The following CAMKMT variants were observed in gnomAD, a reference collection of about 807,000 sequenced individuals.
The protein encoded by CAMKMT is CaM KMT.
In CAMKMT, 53 loss-of-function variants were observed where a neutral mutation model predicts 48.0. The ratio of observed to expected loss-of-function variants is 1.10; its 90% confidence interval spans 0.89 to 1.39. The LOEUF (loss-of-function observed/expected upper bound fraction) is 1.39. Among genes scored for constraint, CAMKMT ranks in the 40% most tolerant of loss-of-function variants. The probability of loss-of-function intolerance (pLI) is 0.00; values close to 1 mark genes in which losing one functional copy is unlikely to be tolerated. For synonymous variants in CAMKMT, 165 were observed against 152.3 expected (o/e 1.08, Z -0.61); for missense variants, 428 against 402.7 (o/e 1.06, Z -0.54).
chr2:44,489,394 C>T (rs915496288), intron 3 of CAMKMT, among the ~76,000 whole-genome samples: 3 of 151,888 alleles, frequency 2.0e-5, no homozygotes, highest in Non-Finnish European at 4.4e-5. Flanking sequence ...TACAGGCACC[C>T]GCCAGCATGC....
Position 44,772,456 on chromosome 2 carries a change from C to G in CAMKMT, c.*343C>G, listed in dbSNP as rs1681156059. ...AGAATTTCTTTTGATGATACCCATCCCTCCTTCATTTTTTTTTTTTTTTTG... is the reference window on the plus strand; with the variant it reads ...AGAATTTCTTTTGATGATACCCATCGCTCCTTCATTTTTTTTTTTTTTTTG... On this transcript the variant is annotated 3_prime_UTR_variant, in exon 11 of 11. Coordinates refer to ENST00000378494, the MANE Select transcript of CAMKMT (RefSeq NM_024766.5). The G allele has an allele frequency of 4.9e-6, 1 of 203,938 alleles. No individual in the cohort carries two copies. Among genetic ancestry groups the G allele is most frequent in the South Asian group, 1.9e-4 (1 of 5,356 alleles). The allele number at this position is 203,938 out of a possible 1,614,324, so 12.6% of individuals were successfully genotyped here.
chr2:44,577,701 G>C (rs908438576), intron 3 of CAMKMT, among the ~76,000 whole-genome samples: 1 of 151,934 alleles, frequency 6.6e-6, no homozygotes, highest in Non-Finnish European at 1.5e-5. Flanking sequence ...GGGAGACGGA[G>C]AGGGAGAGGG....
intron 3 of CAMKMT, among the ~76,000 whole-genome samples, chr2:44,624,332 T>G (rs957462109): frequency 1.3e-5 from 2 of 152,146 alleles, no homozygotes; most frequent in Non-Finnish European, 2.9e-5. Context: ...TTATTTGTCT[T>G]TTTTATTATT....
chr2:44,642,827 G>A (rs1028777471), intron 3 of CAMKMT, among the ~76,000 whole-genome samples: 1 of 152,086 alleles, frequency 6.6e-6, no homozygotes, highest in Non-Finnish European at 1.5e-5. Context: ...CTTGGTAAAT[G>A]ACTTCATCCA....
intron 3 of CAMKMT, among the ~76,000 whole-genome samples, chr2:44,688,368 CTG>C (rs1416279480): frequency 6.6e-6 from 1 of 152,028 alleles, no homozygotes; most frequent in Non-Finnish European, 1.5e-5. Flanking sequence ...GGAGAGCAGA[CTG>C]TCACATTTCC....
intron 3 of CAMKMT, among the ~76,000 whole-genome samples, chr2:44,492,102 A>C (rs1669536746): frequency 6.6e-6 from 1 of 152,200 alleles, no homozygotes; most frequent in South Asian, 2.1e-4. Flanking sequence ...AAAAAAAGGC[A>C]GGGGTTGAAC....
intron 3 of CAMKMT, among the ~76,000 whole-genome samples, chr2:44,546,849 G>A (rs1304153382): frequency 6.6e-6 from 1 of 152,192 alleles, no homozygotes; most frequent in Non-Finnish European, 1.5e-5. Context: ...TTTCCCTAAT[G>A]CTGATACAGT....
At chr2:44,722,973 C>A (rs1437362653) in intron 7 of CAMKMT, among the ~76,000 whole-genome samples, 1 of 152,140 alleles carries the variant, frequency 6.6e-6, no homozygotes, top group Non-Finnish European at 1.5e-5. Context: ...GAAAATATCC[C>A]TCTTTTGGAC....
intron 3 of CAMKMT, among the ~76,000 whole-genome samples, chr2:44,685,785 T>G (rs1351407478): frequency 6.6e-6 from 1 of 152,212 alleles, no homozygotes; most frequent in Non-Finnish European, 1.5e-5. Context: ...GCAATCAGCA[T>G]TTCTATGTGA....
At chr2:44,549,582 C>A (rs1667592298) in intron 3 of CAMKMT, 1 of 691,724 alleles carries the variant, frequency 1.4e-6, no homozygotes, top group Admixed American at 2.1e-5. Context: ...GTTGCCCAGG[C>A]TGGAGTGCAG....
rs545178812 is a variant in CAMKMT, at chr2:44,530,168, A to G, written c.376+139863A>G. On this transcript the variant is annotated intron_variant, in intron 3 of 10. Transcript: ENST00000378494. Reference sequence around the variant, plus strand: ...AGTCAGCTTAATGTGATTTCAAATGATAGGGTAGTGAATGTGAGGGAAATT... The same window carrying G: ...AGTCAGCTTAATGTGATTTCAAATGGTAGGGTAGTGAATGTGAGGGAAATT... Among the ~76,000 whole-genome samples, 8 of 152,332 alleles carry G rather than the reference A, an allele frequency of 5.3e-5. No homozygotes were observed. The South Asian group carries it at 1.4e-3, about 28-fold the overall frequency.
intron 3 of CAMKMT, among the ~76,000 whole-genome samples, chr2:44,409,490 G>A (rs1339939492): frequency 6.6e-6 from 1 of 151,976 alleles, no homozygotes; most frequent in African/African-American, 2.4e-5. Flanking sequence ...AGATGTTATT[G>A]CGTTATCACA....
chr2:44,392,190 A>T (rs1681409367), intron 3 of CAMKMT: 1 of 152,168 alleles, frequency 6.6e-6, no homozygotes, highest in African/African-American at 2.4e-5. Flanking sequence ...GAAAAATTAG[A>T]TAAAATTAGC....
At chr2:44,568,013 C>T (rs749945447) in intron 3 of CAMKMT, among the ~76,000 whole-genome samples, 27 of 150,524 alleles carry the variant, frequency 1.8e-4, no homozygotes, top group Middle Eastern at 3.4e-3. Flanking sequence ...TGATAAGGGT[C>T]GCTCTTAGAG....
chr2:44,438,234 C>G (rs1253300154), intron 3 of CAMKMT, among the ~76,000 whole-genome samples: 1 of 152,164 alleles, frequency 6.6e-6, no homozygotes, highest in African/African-American at 2.4e-5. Context: ...TAAACTCTTT[C>G]TCAACTATAA....
chr2:44,692,623 G>A (rs79197475), intron 3 of CAMKMT, among the ~76,000 whole-genome samples: 58 of 152,300 alleles, frequency 3.8e-4, no homozygotes, highest in Non-Finnish European at 7.5e-4. Flanking sequence ...ATGAATAAAT[G>A]AGGCTTAAAA....
chr2:44,509,179 A>G (rs1311080920), intron 3 of CAMKMT, among the ~76,000 whole-genome samples: 1 of 152,162 alleles, frequency 6.6e-6, no homozygotes, highest in Non-Finnish European at 1.5e-5. Context: ...AGAGCTAATG[A>G]GGGACTGAGC....
chr2:44,410,383 G>T (rs924917373), intron 3 of CAMKMT, among the ~76,000 whole-genome samples: 1 of 145,368 alleles, frequency 6.9e-6, no homozygotes, highest in African/African-American at 2.6e-5. Context: ...TCAGCCTCCC[G>T]AGTAGCTGGG....
chr2:44,697,440 T>C (rs1677017523), intron 3 of CAMKMT, among the ~76,000 whole-genome samples: 2 of 151,956 alleles, frequency 1.3e-5, no homozygotes, highest in Admixed American at 1.3e-4. Flanking sequence ...CCAGGAGAGA[T>C]TTCCTCATAA....
Sources: allele counts gnomAD v4.1 joint callset (sites outside exome capture counted in the v4.1 genomes callset), GRCh38; gene constraint gnomAD v4.1.1; transcripts MANE v1.5; gene names NCBI Gene and HGNC (gene_info 2026-07-23, HGNC 2026-07-21).